Variants in LYRM4 observed in about 807,000 individuals in gnomAD.
LYRM4 encodes LYR motif-containing protein 4.
LYRM4 carries 9 observed loss-of-function variants against 11.7 expected under a neutral mutation model. That is an observed-to-expected ratio of 0.77 (90% CI 0.46 to 1.34). The LOEUF is 1.34. Ranked by LOEUF, LYRM4 falls within the 40% of genes most tolerant of loss-of-function variation. LYRM4 has a pLI of 0.00. For missense variants in LYRM4, 133 were observed against 112.5 expected, an observed-to-expected ratio of 1.18 and a Z score of -0.82; for synonymous variants, 42 against 40.4, an observed-to-expected ratio of 1.04 and a Z score of -0.15.
At chr6:5,149,985 T>A (rs1757997564) in intron 2 of LYRM4, among the ~76,000 whole-genome samples, 1 of 152,168 alleles carries the variant, frequency 6.6e-6, no homozygotes, top group African/African-American at 2.4e-5. Context: ...AGGGCAAACG[T>A]CAAATGTTAA....
chr6:5,215,932 T>A (rs759682098), intron 2 of LYRM4, among the ~76,000 whole-genome samples: 7 of 152,334 alleles, frequency 4.6e-5, no homozygotes, highest in Non-Finnish European at 1.0e-4. Context: ...AACCCATCAG[T>A]GGACGGTGAC....
chr6:5,260,844 C>T lies in LYRM4; in HGVS notation c.-111G>A, dbSNP rs1328509567. The T allele has an allele frequency of 1.3e-6, 2 of 1,503,166 alleles. No individual in the cohort carries two copies. The highest frequency in any genetic ancestry group is 1.8e-6 in the Non-Finnish European group (2 of 1,132,230). 93.1% of individuals were successfully genotyped at this position (1,503,166 alleles called of 1,614,324 possible). A position where few individuals can be genotyped will look rare whatever the true frequency, so the allele number is the denominator to read the frequency against. ...CCACGAACGAAATAAAATGCTGCGGCTCGGCTTTGCCAGCGGGCCGGGCCT... is the reference window on the plus strand; with the variant it reads ...CCACGAACGAAATAAAATGCTGCGGTTCGGCTTTGCCAGCGGGCCGGGCCT... On this transcript the variant is annotated 5_prime_UTR_variant, in exon 1 of 3. Coordinates refer to ENST00000330636, the MANE Select transcript of LYRM4 (RefSeq NM_020408.6).
chr6:5,090,917 G>A, the LYRM4 span, among the ~76,000 whole-genome samples: 1 of 152,158 alleles, frequency 6.6e-6, no homozygotes, highest in African/African-American at 2.4e-5. The surrounding 1 kb of genome is among the most constrained non-coding windows in gnomAD (Gnocchi z 4.8). Flanking sequence ...AGCCTTGTGG[G>A]GCAGAGTGAT....
At chr6:5,154,211 A>T (rs1758253193) in intron 2 of LYRM4, among the ~76,000 whole-genome samples, 1 of 152,206 alleles carries the variant, frequency 6.6e-6, no homozygotes, top group African/African-American at 2.4e-5. Flanking sequence ...ATTTCATTCC[A>T]TATATTCAAT....
chr6:5,077,960 GAAT>G, the LYRM4 span, among the ~76,000 whole-genome samples: 2 of 152,056 alleles, frequency 1.3e-5, no homozygotes, highest in Non-Finnish European at 2.9e-5. Flanking sequence ...TGTATGTTAA[GAAT>G]AATTGCAGAA....
chr6:5,034,933 G>C, the LYRM4 span, among the ~76,000 whole-genome samples: 1 of 151,654 alleles, frequency 6.6e-6, no homozygotes, highest in Admixed American at 6.6e-5. Context: ...GGCGAGTTTT[G>C]CAGATCAGGA....
downstream of LYRM4, chr6:5,104,623 G>C (rs1762606073): frequency 6.6e-6 from 1 of 152,172 alleles, no homozygotes; most frequent in Admixed American, 6.5e-5. Flanking sequence ...TTCCTGGGAA[G>C]AAAAGAGCTA....
At chr6:5,171,521 G>T (rs916038639) in intron 2 of LYRM4, among the ~76,000 whole-genome samples, 8 of 152,138 alleles carry the variant, frequency 5.3e-5, no homozygotes, top group Non-Finnish European at 1.2e-4. Context: ...GGGAAGTGGT[G>T]GGGGGAGAAA....
the LYRM4 span, among the ~76,000 whole-genome samples, chr6:5,038,932 G>C: frequency 1.6e-4 from 21 of 133,268 alleles, 3 homozygotes; most frequent in African/African-American, 6.7e-4. Context: ...GGGAGAGGGA[G>C]AGCTTTAGCT....
chr6:5,152,435 G>C (rs1291958545), intron 2 of LYRM4, among the ~76,000 whole-genome samples: 1 of 152,072 alleles, frequency 6.6e-6, no homozygotes, highest in Admixed American at 6.6e-5. Context: ...TTAAATAGGG[G>C]GCGAGAGCTG....
chr6:5,121,395 T>C (rs1763449918), intron 2 of LYRM4, among the ~76,000 whole-genome samples: 1 of 151,862 alleles, frequency 6.6e-6, no homozygotes, highest in Admixed American at 6.6e-5. Flanking sequence ...CTGCTCAGGG[T>C]GGGGAAGACA....
At chr6:5,047,674 G>C in the LYRM4 span, among the ~76,000 whole-genome samples, 9 of 152,164 alleles carry the variant, frequency 5.9e-5, no homozygotes, top group South Asian at 1.7e-3. Context: ...AAATCTGGGA[G>C]TTCATATGAC....
chr6:5,074,345 T>C, the LYRM4 span, among the ~76,000 whole-genome samples: 1 of 150,510 alleles, frequency 6.6e-6, no homozygotes, highest in East Asian at 2.0e-4. Flanking sequence ...AATTTGTAAA[T>C]TGCCTCTGAC....
chr6:5,071,045 G>A, the LYRM4 span, among the ~76,000 whole-genome samples: 1 of 151,980 alleles, frequency 6.6e-6, no homozygotes, highest in African/African-American at 2.4e-5. Context: ...AAAATTACCT[G>A]GGCGTGGTAG....
intron 2 of LYRM4, among the ~76,000 whole-genome samples, chr6:5,190,525 G>A (rs750354011): frequency 7.2e-5 from 11 of 152,176 alleles, no homozygotes; most frequent in Non-Finnish European, 1.5e-4. Flanking sequence ...ATGCAGGCAT[G>A]CAGAGCGTGA....
chr6:5,224,438 G>T (rs1021293985), intron 1 of LYRM4, among the ~76,000 whole-genome samples: 1 of 152,170 alleles, frequency 6.6e-6, no homozygotes, highest in African/African-American at 2.4e-5. Flanking sequence ...GCACGGACTG[G>T]TACTTCCTGT....
the LYRM4 span, chr6:5,031,982 T>C: frequency 6.6e-6 from 1 of 152,358 alleles, no homozygotes; most frequent in African/African-American, 2.4e-5. Context: ...TCTTGCATAA[T>C]TTCAACTTTC....
At chr6:5,184,618 G>A (rs1336117359) in intron 2 of LYRM4, among the ~76,000 whole-genome samples, 1 of 152,200 alleles carries the variant, frequency 6.6e-6, no homozygotes, top group African/African-American at 2.4e-5. Flanking sequence ...GAAAATAAAT[G>A]AACAGGATGT....
In LYRM4 at chr6:5,113,295, C is replaced by T. The variant is rs181076589; in HGVS notation, c.208-3804G>A. On this transcript the variant is annotated intron_variant, in intron 2 of 2. Coordinates refer to ENST00000330636, the MANE Select transcript of LYRM4 (RefSeq NM_020408.6). The stretch of plus-strand genomic sequence containing the variant: ...TAAAAATATATAGGCCATGGTGGCA[C>T]GCGCCAATAATCCCAGCTACTCAGG... 1.8e-4 allele frequency: 82 copies of T among 448,308 alleles called. No individual in the cohort carries two copies. The East Asian group carries it at 4.7e-3, about 26-fold the overall frequency. The allele number at this position is 448,308 out of a possible 1,614,324, so 27.8% of individuals were successfully genotyped here.
Sources: allele counts gnomAD v4.1 joint callset (sites outside exome capture counted in the v4.1 genomes callset), GRCh38; gene constraint gnomAD v4.1.1; non-coding constraint Gnocchi (gnomAD v3.1); transcripts MANE v1.5; gene names NCBI Gene and HGNC (gene_info 2026-07-23, HGNC 2026-07-21).